Variants in R3HDM2 observed in about 807,000 individuals in gnomAD.
The protein encoded by R3HDM2 is R3H domain-containing protein 2.
R3HDM2 carries 38 observed loss-of-function variants against 124.5 expected under a neutral mutation model. The ratio of observed to expected loss-of-function variants is 0.31; its 90% CI spans 0.24 to 0.40. The LOEUF is 0.40. Among genes scored for constraint, R3HDM2 ranks in the 10% least tolerant of loss-of-function variants. The pLI, the probability that R3HDM2 is intolerant of heterozygous loss-of-function variation, is 1.00. For missense variants in R3HDM2, 869 were observed against 1,236.9 expected (o/e 0.70, Z 4.46); for synonymous variants, 391 against 448.0 (o/e 0.87, Z 1.61).
intron 11 of R3HDM2, among the ~76,000 whole-genome samples, chr12:57,290,654 C>A (rs2048384171): frequency 6.6e-6 from 1 of 152,084 alleles, no homozygotes; most frequent in African/African-American, 2.4e-5. Flanking sequence ...CCTCTTGTTG[C>A]CCAGGCTGGA....
intron 1 of R3HDM2, among the ~76,000 whole-genome samples, chr12:57,411,516 G>A (rs2069000945): frequency 6.6e-6 from 1 of 152,158 alleles, no homozygotes; most frequent in Non-Finnish European, 1.5e-5. Flanking sequence ...ATCACCTTCT[G>A]TGCAGCTTAT....
At chr12:57,403,215 G>A (rs962829866) in intron 1 of R3HDM2, among the ~76,000 whole-genome samples, 12 of 152,018 alleles carry the variant, frequency 7.9e-5, no homozygotes, top group African/African-American at 1.7e-4. Context: ...ACAATTTGCC[G>A]GGTGCTGGTG....
intron 2 of R3HDM2, among the ~76,000 whole-genome samples, chr12:57,379,264 T>C (rs1826201343): frequency 6.6e-6 from 1 of 152,174 alleles, no homozygotes; most frequent in African/African-American, 2.4e-5. Flanking sequence ...AATTCTGTTA[T>C]GTGGATTTTA....
At chr12:57,404,382 ACTATAGGTTCAGCGCTAC>A (rs1261413619) in intron 1 of R3HDM2, among the ~76,000 whole-genome samples, 33 of 150,336 alleles carry the variant, frequency 2.2e-4, no homozygotes, top group African/African-American at 7.8e-4. Flanking sequence ...CTAATTTTTA[ACTATAGGTTCAGCGCTAC>A]CTAAACAAGG....
chr12:57,365,807 G>A (rs752244336), intron 2 of R3HDM2, among the ~76,000 whole-genome samples: 1 of 151,834 alleles, frequency 6.6e-6, no homozygotes, highest in South Asian at 2.1e-4. Flanking sequence ...GTGGTGGTAG[G>A]TGCCTGTAAT....
intron 1 of R3HDM2, among the ~76,000 whole-genome samples, 181 bp from the exon 2 acceptor site, chr12:57,395,999 A>G (rs1476714611): frequency 6.6e-6 from 1 of 151,988 alleles, no homozygotes; most frequent in Non-Finnish European, 1.5e-5. Flanking sequence ...TCCCACTGTC[A>G]ATTTACAATT....
At chr12:57,288,080 C>T (rs937878439) in intron 12 of R3HDM2, among the ~76,000 whole-genome samples, 2 of 146,980 alleles carry the variant, frequency 1.4e-5, no homozygotes, top group Non-Finnish European at 3.0e-5. Flanking sequence ...AGTGCAGTGG[C>T]GTGATCTCAG....
chr12:57,402,047 C>T (rs866066830), intron 1 of R3HDM2, among the ~76,000 whole-genome samples: 3 of 149,830 alleles, frequency 2.0e-5, no homozygotes, highest in Admixed American at 6.7e-5. Context: ...GTTATCCCAG[C>T]GCTTTGGGAG....
chr12:57,283,531 G>C (rs2046654335), intron 13 of R3HDM2, among the ~76,000 whole-genome samples: 3 of 152,186 alleles, frequency 2.0e-5, no homozygotes, highest in Admixed American at 2.0e-4. Context: ...CTCAGGTCAG[G>C]AGTTTGAGAC....
intron 12 of R3HDM2, among the ~76,000 whole-genome samples, chr12:57,286,559 A>C (rs2047374349): frequency 6.6e-6 from 1 of 152,146 alleles, no homozygotes; most frequent in Non-Finnish European, 1.5e-5. Flanking sequence ...TCTTCAATCA[A>C]AGCTCAGTTG....
At chr12:57,324,583 T>C (rs1413573001) in intron 2 of R3HDM2, among the ~76,000 whole-genome samples, 1 of 152,220 alleles carries the variant, frequency 6.6e-6, no homozygotes, top group Non-Finnish European at 1.5e-5. Flanking sequence ...TAATCATTAG[T>C]CCTCAAGCCT....
Position 57,360,047 on chromosome 12 carries a change from A to ATT in R3HDM2, c.-36+35700_-36+35701dup, listed in dbSNP as rs57288626. Among the ~76,000 whole-genome samples, 26 of 113,354 alleles carry ATT rather than the reference A, an allele frequency of 2.3e-4. 1 individual carries two copies. In the South Asian group the frequency reaches 4.6e-3, roughly 20 times the overall value. The allele number at this position is 113,354 out of a possible 152,430, so 74.4% of individuals were successfully genotyped here. A position where few individuals can be genotyped will look rare whatever the true frequency, so the allele number is the denominator to read the frequency against. On this transcript the variant is annotated intron_variant, in intron 2 of 23. Transcript: ENST00000402412. ...TACACACATATATATATATATATATATTTTTTTTTTTTTTTTGGTCGCTCA... is the reference window on the plus strand; with the variant it reads ...TACACACATATATATATATATATATATTTTTTTTTTTTTTTTTTGGTCGCTCA...
intron 12 of R3HDM2, among the ~76,000 whole-genome samples, chr12:57,285,089 C>T (rs1592738324): frequency 6.6e-6 from 1 of 152,112 alleles, no homozygotes; most frequent in South Asian, 2.1e-4. Flanking sequence ...GGTAGGTATA[C>T]CGAGGAATAA....
At chr12:57,337,127 T>C (rs2058953288) in intron 2 of R3HDM2, among the ~76,000 whole-genome samples, 1 of 151,854 alleles carries the variant, frequency 6.6e-6, no homozygotes, top group Non-Finnish European at 1.5e-5. Context: ...CCAAGAATTC[T>C]CTTTCTCTCT....
At chr12:57,372,610 G>A (rs376702367) in intron 2 of R3HDM2, among the ~76,000 whole-genome samples, 1 of 152,130 alleles carries the variant, frequency 6.6e-6, no homozygotes, top group Non-Finnish European at 1.5e-5. Flanking sequence ...GTACTATTTG[G>A]AAAGAGCAGT....
intron 2 of R3HDM2, among the ~76,000 whole-genome samples, chr12:57,370,509 G>A (rs1472152825): frequency 1.3e-5 from 2 of 151,764 alleles, no homozygotes; most frequent in Non-Finnish European, 2.9e-5. Flanking sequence ...GCATGGTGGT[G>A]CATGCCTGTA....
intron 13 of R3HDM2, among the ~76,000 whole-genome samples, chr12:57,281,913 G>T (rs946769561): frequency 2.0e-5 from 3 of 152,206 alleles, no homozygotes; most frequent in African/African-American, 7.2e-5. Context: ...AAAAACTCCT[G>T]GGAGGGTCAG....
At chr12:57,316,330 T>C (rs1015281200) in intron 2 of R3HDM2, among the ~76,000 whole-genome samples, 1 of 152,224 alleles carries the variant, frequency 6.6e-6, no homozygotes, top group African/African-American at 2.4e-5. Flanking sequence ...GAGATGGATA[T>C]AAATTAGTTA....
chr12:57,378,637 C>T lies in R3HDM2; in HGVS notation c.-36+17112G>A, dbSNP rs530084018. ...CAAGACATCCTTCTGCTTTGGCCTC[C>T]CAAAGTGCTGCAATTACAGGTCACT... On this transcript the variant is annotated intron_variant, in intron 2 of 23. Transcript: ENST00000402412. Among the ~76,000 whole-genome samples the T allele has an allele frequency of 1.6e-4, 24 of 152,290 alleles. No individual in the cohort carries two copies. The East Asian group carries it at 3.7e-3, about 23-fold the overall frequency.
Sources: gnomAD v4.1 joint callset for allele counts (sites outside exome capture counted in the v4.1 genomes callset) on GRCh38, gnomAD v4.1.1 for gene constraint, MANE v1.5 for transcripts, NCBI Gene and HGNC (gene_info 2026-07-23, HGNC 2026-07-21) for gene names.